Variants in DYNC2LI1 observed in about 807,000 individuals in gnomAD.
The protein encoded by DYNC2LI1 is dynein cytoplasmic 2 light intermediate chain 1.
Under a neutral mutation model 51.9 loss-of-function variants are expected in DYNC2LI1, and 45 were observed. The ratio of observed to expected loss-of-function variants is 0.87; its 90% CI spans 0.68 to 1.11. The LOEUF (loss-of-function observed/expected upper bound fraction) is 1.11, where lower values mean the gene tolerates loss of function less well. Ranked by LOEUF, DYNC2LI1 falls within the 50% of genes most tolerant of loss-of-function variation. The pLI is 0.00. For missense variants in DYNC2LI1, 490 were observed against 417.4 expected, an observed-to-expected ratio of 1.17 and a Z score of -1.51; for synonymous variants, 130 against 137.8, an observed-to-expected ratio of 0.94 and a Z score of 0.40.
the DYNC2LI1 span, among the ~76,000 whole-genome samples, chr2:43,823,523 G>A: frequency 1.3e-5 from 2 of 152,284 alleles, no homozygotes; most frequent in South Asian, 4.1e-4. Context: ...TTGAAAATTA[G>A]GTGCTGGCTG....
At chr2:43,825,137 TATGGGAA>T in the DYNC2LI1 span, 1 of 1,241,568 alleles carries the variant, frequency 8.1e-7, no homozygotes. Flanking sequence ...ACCAAGTCCT[TATGGGAA>T]ATGCATTTCC....
chr2:43,782,690 A>G (rs1286802329), intron 2 of DYNC2LI1, among the ~76,000 whole-genome samples: 1 of 152,182 alleles, frequency 6.6e-6, no homozygotes, highest in Non-Finnish European at 1.5e-5. Context: ...ACTCCTAAAA[A>G]GAAACTTGGG....
At chr2:43,782,899 T>C (rs1429352455) in intron 2 of DYNC2LI1, among the ~76,000 whole-genome samples, 1 of 152,136 alleles carries the variant, frequency 6.6e-6, no homozygotes, top group African/African-American at 2.4e-5. Flanking sequence ...CGAGAATCAC[T>C]TGAGCCCAGG....
At chr2:43,808,304 A>G (rs373229307) in intron 12 of DYNC2LI1, among the ~76,000 whole-genome samples, 2 of 151,630 alleles carry the variant, frequency 1.3e-5, no homozygotes, top group African/African-American at 2.4e-5. Context: ...TCCTAAGTCT[A>G]TATACCATTT....
intron 12 of DYNC2LI1, among the ~76,000 whole-genome samples, chr2:43,806,279 A>G (rs1374144377): frequency 6.6e-6 from 1 of 152,234 alleles, no homozygotes; most frequent in Non-Finnish European, 1.5e-5. Flanking sequence ...GTAAACTTAT[A>G]TATGCTAAGC....
At chr2:43,825,358 C>T in the DYNC2LI1 span, among the ~76,000 whole-genome samples, 222 of 152,176 alleles carry the variant, frequency 1.5e-3, 2 homozygotes, top group Non-Finnish European at 3.4e-4. Flanking sequence ...TGACCTCGGG[C>T]GAGCAGGGGT....
intron 2 of DYNC2LI1, among the ~76,000 whole-genome samples, chr2:43,778,573 A>G (rs747012054): frequency 2.6e-5 from 4 of 152,238 alleles, no homozygotes; most frequent in Admixed American, 6.5e-5. Context: ...ATTTAAATAA[A>G]TGAGTAAATA....
the DYNC2LI1 span, chr2:43,824,401 C>T: frequency 5.0e-6 from 8 of 1,613,954 alleles, no homozygotes. Flanking sequence ...TTTCCCGTTC[C>T]TTGCTTTGGG....
At position 43,787,222 on chromosome 2, in the gene DYNC2LI1, A is replaced by C; in HGVS notation, c.203A>C (p.Tyr68Ser). Reference protein sequence around the residue: ...PKPTLALEYTYGRRAKGHNTP... With the variant: ...PKPTLALEYTSGRRAKGHNTP... The stretch of plus-strand genomic sequence containing the variant: ...CCAACCTTAGCTTTGGAATATACAT[A>C]TGGAAGAAGAGCAAAAGGGCACAAC... The change falls in exon 4 of 13, where the codon TAT becomes TCT. Residue 68 changes from tyrosine (Y) to serine (S), a missense_variant. Tyr to Ser is a moderately radical substitution (Grantham distance 144). Coordinates refer to ENST00000260605, the MANE Select transcript of DYNC2LI1 (RefSeq NM_016008.4). 6.2e-7 allele frequency: 1 copy of C among 1,613,416 alleles called. No homozygotes were observed. Among genetic ancestry groups the C allele is most frequent in the South Asian group, 1.1e-5 (1 of 91,042 alleles).
chr2:43,797,403 C>A (rs553878465), intron 8 of DYNC2LI1, among the ~76,000 whole-genome samples: 42 of 151,950 alleles, frequency 2.8e-4, no homozygotes, highest in African/African-American at 9.7e-4. Context: ...AGCACAGGGC[C>A]TAGAACAGAA....
rs943733198 is a variant in DYNC2LI1 at position 43,795,276 on chromosome 2, C to T, written c.508-614C>T. ...ATCCCAGCACTTTGGGTGGCCGAGG[C>T]GGGCGGATCACGACGTCAAGAGATC... On this transcript the variant is annotated intron_variant, in intron 6 of 12. Transcript: ENST00000260605. 56 of 795,344 alleles carry T rather than the reference C, an allele frequency of 7.0e-5. 1 individual carries two copies. In the African/African-American group the frequency reaches 9.6e-4, roughly 14 times the overall value. 49.3% of individuals were successfully genotyped at this position (795,344 alleles called of 1,614,324 possible). A position where few individuals can be genotyped will look rare whatever the true frequency, so the allele number is the denominator to read the frequency against.
At chr2:43,803,831 T>C (rs1157839434) in intron 10 of DYNC2LI1, among the ~76,000 whole-genome samples, 1 of 152,122 alleles carries the variant, frequency 6.6e-6, no homozygotes, top group African/African-American at 2.4e-5. Flanking sequence ...TTGTTGGAAA[T>C]AGAAAGATGG....
At chr2:43,784,667 C>T (rs1673439414) in intron 3 of DYNC2LI1, among the ~76,000 whole-genome samples, 1 of 152,112 alleles carries the variant, frequency 6.6e-6, no homozygotes, top group South Asian at 2.1e-4. Flanking sequence ...CTCACGATGT[C>T]AGGTGATCCG....
the DYNC2LI1 span, chr2:43,822,599 G>C: frequency 7.1e-6 from 7 of 985,078 alleles, no homozygotes; most frequent in Non-Finnish European, 8.4e-6. Flanking sequence ...TTTGTTCTCA[G>C]GTCTCCTGCA....
At chr2:43,803,229 A>G (rs2104712234) in intron 10 of DYNC2LI1, among the ~76,000 whole-genome samples, 1 of 152,320 alleles carries the variant, frequency 6.6e-6, no homozygotes, top group South Asian at 2.1e-4. Flanking sequence ...GCATATGTTC[A>G]TGGCAGCTTT....
At chr2:43,785,115 T>C (rs899408166) in intron 3 of DYNC2LI1, among the ~76,000 whole-genome samples, 2 of 151,804 alleles carry the variant, frequency 1.3e-5, no homozygotes, top group African/African-American at 2.4e-5. Flanking sequence ...TTGGCCAACA[T>C]AGTGAGAACT....
downstream of DYNC2LI1, among the ~76,000 whole-genome samples, chr2:43,811,347 G>A (rs1478916854): frequency 6.6e-6 from 1 of 152,110 alleles, no homozygotes; most frequent in Non-Finnish European, 1.5e-5. Context: ...CTTAAATACT[G>A]TTCTAAGAAA....
At chr2:43,811,848 C>T (rs1666494746), downstream of DYNC2LI1, among the ~76,000 whole-genome samples, 1 of 152,176 alleles carries the variant, frequency 6.6e-6, no homozygotes, top group Non-Finnish European at 1.5e-5. Context: ...CCCGCCTCGG[C>T]CTCCCAAAGT....
At chr2:43,781,530 A>C (rs1673281591) in intron 2 of DYNC2LI1, 1 of 151,938 alleles carries the variant, frequency 6.6e-6, no homozygotes, top group South Asian at 2.1e-4. Context: ...AGCCCTTATT[A>C]ATTTAGAACT....
Sources: allele counts gnomAD v4.1 joint callset (sites outside exome capture counted in the v4.1 genomes callset), GRCh38; gene constraint gnomAD v4.1.1; transcripts MANE v1.5; gene names NCBI Gene and HGNC (gene_info 2026-07-23, HGNC 2026-07-21).